RNF212B: variants seen among roughly 807,000 people sequenced by gnomAD.
RNF212B encodes ring finger protein 212B, also known as E3 ubiquitin-protein ligase RNF212B.
Under a neutral mutation model 55.5 loss-of-function variants are expected in RNF212B, and 52 were observed. The observed-to-expected ratio is 0.94, with a 90% CI of 0.75 to 1.18. The LOEUF is 1.18. RNF212B is among the 50% of genes most tolerant of loss of function. The probability of loss-of-function intolerance (pLI) is 0.00; values close to 1 mark genes in which losing one functional copy is unlikely to be tolerated. For missense variants in RNF212B, 289 were observed against 350.4 expected, an observed-to-expected ratio of 0.82 and a Z score of 1.40; for synonymous variants, 99 against 121.4, an observed-to-expected ratio of 0.82 and a Z score of 1.21.
intron 1 of RNF212B, among the ~76,000 whole-genome samples, chr14:23,186,388 G>A (rs901446182): frequency 1.3e-5 from 2 of 151,246 alleles, no homozygotes. Flanking sequence ...TGCTGCTCTG[G>A]CCGGACTGCA....
intron 2 of RNF212B, among the ~76,000 whole-genome samples, chr14:23,226,906 C>T (rs1265715099): frequency 6.7e-6 from 1 of 150,246 alleles, no homozygotes; most frequent in Non-Finnish European, 1.5e-5. Context: ...GCCTCTCAGA[C>T]TGCTAAGATT....
intron 2 of RNF212B, among the ~76,000 whole-genome samples, chr14:23,214,083 C>T (rs961278136): frequency 2.0e-4 from 30 of 152,140 alleles, no homozygotes; most frequent in Non-Finnish European, 3.7e-4. Flanking sequence ...TAATGTAATC[C>T]ATAGGCAACA....
rs1039616375 is a variant in RNF212B at position 23,265,846 on chromosome 14, G to A, written c.634+1175G>A. ...TCTAGTTTCCTAAGGTGGAAGTTTCGATTATTGATTTGAGATCTTTTTTAC... is the reference window on the plus strand; with the variant it reads ...TCTAGTTTCCTAAGGTGGAAGTTTCAATTATTGATTTGAGATCTTTTTTAC... On this transcript the variant is annotated intron_variant, in intron 11 of 14. Transcript: ENST00000430154. 3.9e-5 allele frequency among the ~76,000 whole-genome samples: 6 copies of A among 152,024 alleles called. 1 individual carries two copies. The highest frequency in any genetic ancestry group is 4.1e-4 in the South Asian group (2 of 4,820).
At chr14:23,193,481 G>A (rs1414151767) in intron 2 of RNF212B, 1 of 152,148 alleles carries the variant, frequency 6.6e-6, no homozygotes, top group Non-Finnish European at 1.5e-5. Context: ...CCTCCAGAGG[G>A]AGGGCAGAAT....
rs190166429 is a variant in RNF212B at position 23,272,664 on chromosome 14, T to C, written c.835-159T>C. 10 of 641,280 alleles carry C rather than the reference T, an allele frequency of 1.6e-5. 1 individual carries two copies. In the East Asian group the frequency reaches 2.5e-4, roughly 16 times the overall value. The allele number at this position is 641,280 out of a possible 1,614,324, so 39.7% of individuals were successfully genotyped here. Reference sequence around the variant, plus strand: ...TTGTCACACTAGATGTAGCAAATCCTAGTTTGGAAAAGTTAGTTATCATGC... The same window carrying C: ...TTGTCACACTAGATGTAGCAAATCCCAGTTTGGAAAAGTTAGTTATCATGC... On this transcript the variant is annotated intron_variant, in intron 14 of 14. Coordinates refer to ENST00000430154, the MANE Select transcript of RNF212B (RefSeq NM_001282322.3).
chr14:23,229,220 T>TTATATATATATATATATATATA (rs61656270), intron 2 of RNF212B, among the ~76,000 whole-genome samples: 4 of 65,030 alleles, frequency 6.2e-5, no homozygotes, highest in Non-Finnish European at 9.0e-5. Flanking sequence ...GAATAATATT[T>TTATATATATATATATATATATA]TATATATATA....
At chr14:23,268,849 C>T in intron 11 of RNF212B, 75 bp from the exon 12 acceptor site, 1 of 1,247,300 alleles carries the variant, frequency 8.0e-7, no homozygotes, top group Non-Finnish European at 1.1e-6. Flanking sequence ...ATTTCCTTTG[C>T]CCTGGCCCCA....
At chr14:23,216,371 G>A (rs1881076033) in intron 2 of RNF212B, among the ~76,000 whole-genome samples, 2 of 151,910 alleles carry the variant, frequency 1.3e-5, no homozygotes, top group Admixed American at 1.3e-4. Flanking sequence ...GCAAAAAGAA[G>A]TGAAACAGAG....
intron 6 of RNF212B, 101 bp downstream of exon 6, chr14:23,260,045 T>C (rs1485844981): frequency 1.5e-5 from 9 of 584,368 alleles, no homozygotes; most frequent in East Asian, 9.4e-5. Flanking sequence ...TTTCTCATCA[T>C]GGCACACACA....
intron 1 of RNF212B, among the ~76,000 whole-genome samples, chr14:23,192,404 G>A (rs1228857074): frequency 3.9e-5 from 6 of 152,066 alleles, no homozygotes; most frequent in South Asian, 4.1e-4. Flanking sequence ...GATGAAGCTG[G>A]AAATCATCAT....
At chr14:23,235,700 T>C (rs1163521569), upstream of RNF212B, among the ~76,000 whole-genome samples, 1 of 152,204 alleles carries the variant, frequency 6.6e-6, no homozygotes, top group Non-Finnish European at 1.5e-5. Flanking sequence ...TTTTTTATAT[T>C]GTGTAATGAA....
chr14:23,234,905 G>A (rs1014252493), upstream of RNF212B, among the ~76,000 whole-genome samples: 1 of 152,100 alleles, frequency 6.6e-6, no homozygotes, highest in African/African-American at 2.4e-5. Flanking sequence ...GTGAGACCTT[G>A]TCTCTTAAAA....
At chr14:23,244,613 C>A (rs973305519) in intron 4 of RNF212B, among the ~76,000 whole-genome samples, 1 of 152,188 alleles carries the variant, frequency 6.6e-6, no homozygotes, top group Non-Finnish European at 1.5e-5. Context: ...AAGTAGCTAA[C>A]ATCTTGCCTT....
intron 10 of RNF212B, 70 bp from the exon 11 acceptor site, chr14:23,264,553 T>C: frequency 1.9e-6 from 2 of 1,075,656 alleles, no homozygotes; most frequent in Non-Finnish European, 2.5e-6. Context: ...TAGCTATAGA[T>C]AAATAGGGAA....
chr14:23,203,790 T>C (rs896212301), intron 2 of RNF212B, among the ~76,000 whole-genome samples: 1 of 152,148 alleles, frequency 6.6e-6, no homozygotes, highest in Non-Finnish European at 1.5e-5. Context: ...ACTTTAGTTA[T>C]TTAAGGAATC....
intron 2 of RNF212B, among the ~76,000 whole-genome samples, chr14:23,228,366 T>C (rs1882225487): frequency 6.7e-6 from 1 of 150,286 alleles, no homozygotes. Context: ...GGATCACAGC[T>C]GTAATCCCAG....
At chr14:23,239,143 A>G (rs1883369616) in intron 1 of RNF212B, among the ~76,000 whole-genome samples, 1 of 152,080 alleles carries the variant, frequency 6.6e-6, no homozygotes, top group African/African-American at 2.4e-5. Flanking sequence ...GGCTCACTGC[A>G]ACCTCCTGGG....
rs536056746 is a variant in RNF212B at position 23,272,989 on chromosome 14, T to C, written c.*98T>C. ...TGGCCCTGGAAAATGTATCCCTGCATTGTTTCCTAGTTTCACTCTGTACCT... is the reference window on the plus strand; with the variant it reads ...TGGCCCTGGAAAATGTATCCCTGCACTGTTTCCTAGTTTCACTCTGTACCT... On this transcript the variant is annotated 3_prime_UTR_variant, in exon 15 of 15. Coordinates refer to ENST00000430154, the MANE Select transcript of RNF212B (RefSeq NM_001282322.3). The C allele has an allele frequency of 1.1e-4, 74 of 678,154 alleles. No homozygotes were observed. Among genetic ancestry groups the C allele is most frequent in the Non-Finnish European group, 8.1e-5 (33 of 406,454 alleles). The allele number at this position is 678,154 out of a possible 1,614,324, so 42.0% of individuals were successfully genotyped here.
In RNF212B at chr14:23,254,301, AC is replaced by A. The variant is rs55663511; in HGVS notation, c.229-4247del. Among the ~76,000 whole-genome samples, 1,202 of 148,246 alleles carry A rather than the reference AC, an allele frequency of 8.1e-3. 36 individuals are homozygous for A. Among genetic ancestry groups the A allele is most frequent in the Non-Finnish European group, 0.011 (702 of 66,670 alleles). ...CTCTTTATCTCAAAAACAAAACAAA[AC>A]AAAACAAAACAAAACAAAAAAACAA... On this transcript the variant is annotated intron_variant, in intron 4 of 14. Coordinates refer to ENST00000430154, the MANE Select transcript of RNF212B (RefSeq NM_001282322.3).
Sources: gnomAD v4.1 joint callset for allele counts (sites outside exome capture counted in the v4.1 genomes callset) on GRCh38, gnomAD v4.1.1 for gene constraint, MANE v1.5 for transcripts, NCBI Gene and HGNC (gene_info 2026-07-23, HGNC 2026-07-21) for gene names.